The following CYYR1 variants were observed in gnomAD, a reference collection of about 807,000 sequenced individuals.
The protein encoded by CYYR1 is cysteine and tyrosine rich 1.
In CYYR1, 14 loss-of-function variants were observed where a neutral mutation model predicts 15.2. The observed-to-expected ratio is 0.92, with a 90% CI of 0.61 to 1.44. CYYR1 has a LOEUF of 1.44. Ranked by LOEUF, CYYR1 falls within the 40% of genes most tolerant of loss-of-function variation. The pLI is 0.00. For missense variants in CYYR1, 228 were observed against 209.5 expected (o/e 1.09, Z -0.54); for synonymous variants, 80 against 77.4 (o/e 1.03, Z -0.18).
intron 2 of CYYR1, chr21:26,503,465 G>C (rs529683807): frequency 1.5e-4 from 23 of 152,170 alleles, no homozygotes; most frequent in African/African-American, 5.5e-4. Flanking sequence ...ATTAATTATA[G>C]AGCGAAAATT....
chr21:26,528,576 A>G (rs945715573), intron 2 of CYYR1, among the ~76,000 whole-genome samples: 5 of 152,156 alleles, frequency 3.3e-5, no homozygotes, highest in African/African-American at 1.2e-4. Flanking sequence ...TGCCAGTGCT[A>G]TGCTTCCTGT....
chr21:26,487,067 A>G (rs2065258766), intron 2 of CYYR1, among the ~76,000 whole-genome samples: 1 of 152,104 alleles, frequency 6.6e-6, no homozygotes, highest in East Asian at 1.9e-4. Context: ...TTTGATATCT[A>G]TATTTGATAC....
chr21:26,513,517 T>C (rs2065679366), intron 2 of CYYR1, among the ~76,000 whole-genome samples: 1 of 152,038 alleles, frequency 6.6e-6, no homozygotes, highest in Admixed American at 6.5e-5. Flanking sequence ...GGTGGCTTAG[T>C]TCCATAAAAA....
At chr21:26,493,460 A>G (rs913649937) in intron 2 of CYYR1, among the ~76,000 whole-genome samples, 1 of 152,176 alleles carries the variant, frequency 6.6e-6, no homozygotes, top group African/African-American at 2.4e-5. Flanking sequence ...AATTCAGGAA[A>G]AACATTGAAG....
At chr21:26,535,485 A>T (rs1422692048) in intron 2 of CYYR1, among the ~76,000 whole-genome samples, 2 of 152,218 alleles carry the variant, frequency 1.3e-5, no homozygotes, top group African/African-American at 4.8e-5. Flanking sequence ...TTTTGCTATT[A>T]TAAACAACAG....
Position 26,566,188 on chromosome 21 carries a change from T to A in CYYR1, c.176+78A>T. 7.6e-6 allele frequency: 8 copies of A among 1,046,068 alleles called. No homozygotes were observed. The East Asian group carries it at 2.0e-4, about 27-fold the overall frequency. The allele number at this position is 1,046,068 out of a possible 1,614,324, so 64.8% of individuals were successfully genotyped here. ...AAATCTCTTGCCCACAACTATCACT[T>A]AGTACTTTTAAAAGACATAACTGGA... On this transcript the variant is annotated intron_variant, in intron 2 of 3. Coordinates refer to ENST00000652641, the MANE Select transcript of CYYR1 (RefSeq NM_001320768.2).
In CYYR1 at chr21:26,467,716, T is replaced by C. The variant is rs1008856880; in HGVS notation, c.*785A>G. On this transcript the variant is annotated 3_prime_UTR_variant, in exon 4 of 4. Transcript: ENST00000652641. ...GGCAGTAGCTGGCATTGAAGAGTTC[T>C]TGGCTTCAAGCGGCTGTTGAGTCTT... 1.3e-5 allele frequency: 2 copies of C among 152,206 alleles called. No individual in the cohort carries two copies. The highest frequency in any genetic ancestry group is 4.8e-5 in the African/African-American group (2 of 41,446). 9.4% of individuals were successfully genotyped at this position (152,206 alleles called of 1,614,324 possible). A position where few individuals can be genotyped will look rare whatever the true frequency, so the allele number is the denominator to read the frequency against.
chr21:26,516,228 C>G (rs982401402), intron 2 of CYYR1, among the ~76,000 whole-genome samples: 1 of 152,192 alleles, frequency 6.6e-6, no homozygotes, highest in African/African-American at 2.4e-5. Flanking sequence ...ATTTCTCTTA[C>G]TATGTAATTT....
intron 2 of CYYR1, among the ~76,000 whole-genome samples, chr21:26,549,989 T>C (rs1230784186): frequency 6.6e-6 from 1 of 152,218 alleles, no homozygotes; most frequent in Non-Finnish European, 1.5e-5. Flanking sequence ...ATGTTATTTA[T>C]AAATTGAAGA....
chr21:26,523,237 T>C (rs894005274), intron 2 of CYYR1, among the ~76,000 whole-genome samples: 1 of 152,306 alleles, frequency 6.6e-6, no homozygotes, highest in Admixed American at 6.5e-5. Flanking sequence ...GCAATTACTA[T>C]TGATGCTACC....
At chr21:26,473,072 T>C (rs956210629) in intron 3 of CYYR1, among the ~76,000 whole-genome samples, 13 of 152,170 alleles carry the variant, frequency 8.5e-5, no homozygotes, top group Non-Finnish European at 1.3e-4. Flanking sequence ...GTATATAAAA[T>C]TCTAATATAC....
At chr21:26,544,364 G>T (rs1978797581) in intron 2 of CYYR1, among the ~76,000 whole-genome samples, 1 of 152,172 alleles carries the variant, frequency 6.6e-6, no homozygotes, top group Non-Finnish European at 1.5e-5. Flanking sequence ...CAGGATTTAT[G>T]AATCATATGT....
chr21:26,470,727 C>A (rs536274919), intron 3 of CYYR1: 2 of 152,308 alleles, frequency 1.3e-5, no homozygotes, highest in Admixed American at 6.5e-5. Flanking sequence ...TGGACTAATA[C>A]AATTTTCTTC....
chr21:26,484,035 T>C (rs915365124), intron 2 of CYYR1, among the ~76,000 whole-genome samples: 5 of 152,158 alleles, frequency 3.3e-5, no homozygotes, highest in African/African-American at 1.2e-4. Context: ...CCCAAACCAC[T>C]GGGGCCAGAT....
At chr21:26,488,029 C>G (rs1358112234) in intron 2 of CYYR1, among the ~76,000 whole-genome samples, 2 of 150,568 alleles carry the variant, frequency 1.3e-5, no homozygotes, top group Non-Finnish European at 3.0e-5. Flanking sequence ...TCAATATATC[C>G]TCTTTCTTGG....
chr21:26,471,609 C>G (rs942816126), intron 3 of CYYR1: 2 of 152,228 alleles, frequency 1.3e-5, no homozygotes, highest in South Asian at 4.1e-4. Context: ...ATAATATCAG[C>G]CACTGGAAGA....
At chr21:26,522,235 C>T (rs563335241) in intron 2 of CYYR1, among the ~76,000 whole-genome samples, 1 of 152,194 alleles carries the variant, frequency 6.6e-6, no homozygotes, top group East Asian at 1.9e-4. Context: ...CAGAAGGTAC[C>T]TTGACCTAGT....
At chr21:26,492,153 A>G (rs2065337658) in intron 2 of CYYR1, among the ~76,000 whole-genome samples, 1 of 152,232 alleles carries the variant, frequency 6.6e-6, no homozygotes, top group African/African-American at 2.4e-5. Context: ...CATAGCATCA[A>G]TATCATTGTC....
chr21:26,489,900 G>A (rs538175041), intron 2 of CYYR1, among the ~76,000 whole-genome samples: 5 of 152,098 alleles, frequency 3.3e-5, no homozygotes, highest in Non-Finnish European at 7.4e-5. Flanking sequence ...AAACAAACTC[G>A]TTTTTGAAAA....
Sources: gnomAD v4.1 joint callset for allele counts (sites outside exome capture counted in the v4.1 genomes callset) on GRCh38, gnomAD v4.1.1 for gene constraint, MANE v1.5 for transcripts, NCBI Gene and HGNC (gene_info 2026-07-23, HGNC 2026-07-21) for gene names.